The following SLC25A37 variants were observed in gnomAD, a reference collection of about 807,000 sequenced individuals.
SLC25A37 encodes solute carrier family 25 member 37, also known as mitoferrin-1.
In SLC25A37, 17 loss-of-function variants were observed where a neutral mutation model predicts 31.0. The observed-to-expected ratio is 0.55, with a 90% CI of 0.38 to 0.82. SLC25A37 has a LOEUF of 0.82. Ranked by LOEUF, SLC25A37 falls within the 40% of genes least tolerant of loss-of-function variation. SLC25A37 has a pLI of 0.00. For missense variants in SLC25A37, 404 were observed against 465.8 expected, an observed-to-expected ratio of 0.87 and a Z score of 1.22; for synonymous variants, 222 against 193.0, an observed-to-expected ratio of 1.15 and a Z score of -1.24.
intron 1 of SLC25A37, chr8:23,543,212 G>T (rs1367188211): frequency 6.6e-6 from 1 of 152,032 alleles, no homozygotes; most frequent in Non-Finnish European, 1.5e-5. Flanking sequence ...GGGATTACAG[G>T]TGCGCACCAC....
In SLC25A37 at chr8:23,529,164, G is replaced by A. The variant is rs376484650; in HGVS notation, c.162G>A (p.Met54Ile). 20 of 1,611,428 alleles carry A rather than the reference G, an allele frequency of 1.2e-5. No individual in the cohort carries two copies. The African/African-American group carries it at 1.9e-4, about 15-fold the overall frequency. The change falls in exon 1 of 4, where the codon ATG (methionine) becomes ATA (isoleucine). Residue 54 changes from methionine to isoleucine, a missense_variant. By Grantham distance (10) the Met-to-Ile change is conservative. This residue lies in a region of SLC25A37 where 154 missense variants were observed against 153.6 expected (regional missense o/e 1.00). Coordinates refer to ENST00000519973, the MANE Select transcript of SLC25A37 (RefSeq NM_016612.4). The surrounding 1 kb of genome is among the most constrained non-coding windows in gnomAD (Gnocchi z 4.1). ...SVSTHMTAGAMAGILEHSVMY... is the reference protein window; with the variant it reads ...SVSTHMTAGAIAGILEHSVMY... ...CCACCCACATGACAGCAGGAGCGAT[G>A]GCCGGGATCCTGGAGCACTCGGTCA...
chr8:23,566,701 T>C (rs2117455382), intron 2 of SLC25A37: 3 of 1,002,274 alleles, frequency 3.0e-6, no homozygotes, highest in East Asian at 1.1e-4. Context: ...AACAAAACTT[T>C]TGAATGCTGG....
chr8:23,569,242 G>A (rs1159889921), intron 3 of SLC25A37, among the ~76,000 whole-genome samples: 2 of 152,178 alleles, frequency 1.3e-5, no homozygotes, highest in Admixed American at 6.5e-5. Flanking sequence ...CAGCCAGGGC[G>A]ACAGAGCAAG....
chr8:23,550,155 T>C (rs868457344), intron 1 of SLC25A37, among the ~76,000 whole-genome samples: 1 of 106,062 alleles, frequency 9.4e-6, no homozygotes, highest in Middle Eastern at 6.0e-3. Context: ...CACTCCAGCC[T>C]GGGCAACAAG....
intron 1 of SLC25A37, among the ~76,000 whole-genome samples, chr8:23,559,137 C>T (rs1237914185): frequency 6.6e-6 from 1 of 152,180 alleles, no homozygotes; most frequent in Non-Finnish European, 1.5e-5. Context: ...CCTTGGAAAA[C>T]CAAGTGAAAC....
chr8:23,530,214 AG>A (rs1801636695), intron 1 of SLC25A37, among the ~76,000 whole-genome samples: 1 of 152,218 alleles, frequency 6.6e-6, no homozygotes, highest in Non-Finnish European at 1.5e-5. Flanking sequence ...ACTGAGGCGC[AG>A]AGAGGCGAAC....
At chr8:23,543,298 C>T (rs184427623) in intron 1 of SLC25A37, 64 of 152,302 alleles carry the variant, frequency 4.2e-4, no homozygotes, top group African/African-American at 1.5e-3. Flanking sequence ...CTCTTGGCCT[C>T]AAGCAGTCCT....
chr8:23,529,314 C>T lies in SLC25A37; in HGVS notation c.210+102C>T. ...CAGCCTCGGGGCAGCGTCCCGAAAC[C>T]GAGCTCTCCCCAGGACCGCGGCTGG... On this transcript the variant is annotated intron_variant, in intron 1 of 3. Transcript: ENST00000519973. This position sits in a 1 kb window ranked among gnomAD's most constrained non-coding sequence, Gnocchi z 4.1. 2 of 1,202,164 alleles carry T rather than the reference C, an allele frequency of 1.7e-6. No homozygotes were observed. The highest frequency in any genetic ancestry group is 3.0e-5 in the South Asian group (2 of 65,852). 74.5% of individuals were successfully genotyped at this position (1,202,164 alleles called of 1,614,324 possible).
Position 23,571,686 on chromosome 8 carries a change from C to T in SLC25A37, c.848C>T (p.Ala283Val), listed in dbSNP as rs969905974. ...ATCAGCGGCCGGCTGTCGGGTATGG[C>T]CAATGCCTTCCGGACGGTGTACCAG... ...ANISGRLSGM[A>V]NAFRTVYQLN... Residue 283 changes from alanine (A) to valine (V), a missense_variant, in exon 4 of 4, where the codon GCC (alanine) becomes GTC (valine). Transcript: ENST00000519973. 6.2e-7 allele frequency: 1 copy of T among 1,613,942 alleles called. No individual in the cohort carries two copies. Among genetic ancestry groups the T allele is most frequent in the Non-Finnish European group, 8.5e-7 (1 of 1,179,872 alleles).
Position 23,529,204 on chromosome 8 carries a change from T to G in SLC25A37, c.202T>G (p.Ser68Ala), listed in dbSNP as rs370973316. 7.5e-5 allele frequency: 121 copies of G among 1,606,944 alleles called. No individual in the cohort carries two copies. The highest frequency in any genetic ancestry group is 9.7e-5 in the Non-Finnish European group (114 of 1,177,468). ...GCACTCGGTCATGTACCCGGTGGAC[T>G]CGGTGAAGGTGAGGCGCGGGGAGAC... Reference protein sequence around the residue: ...LEHSVMYPVDSVKTRMQSLSP... With the variant: ...LEHSVMYPVDAVKTRMQSLSP... The change falls in exon 1 of 4, where the codon TCG (serine) becomes GCG (alanine). Residue 68 changes from serine (S) to alanine (A), a missense_variant. Transcript: ENST00000519973. The surrounding 1 kb of genome is among the most constrained non-coding windows in gnomAD (Gnocchi z 4.1).
At chr8:23,556,097 T>C (rs1802356762) in intron 1 of SLC25A37, among the ~76,000 whole-genome samples, 1 of 151,346 alleles carries the variant, frequency 6.6e-6, no homozygotes, top group Admixed American at 6.6e-5. Context: ...CTAACTCTGC[T>C]TGAGTCCCCC....
chr8:23,529,201 G>T lies in SLC25A37; in HGVS notation c.199G>T (p.Asp67Tyr). ...ILEHSVMYPV[D>Y]SVKTRMQSLS... The stretch of plus-strand genomic sequence containing the variant: ...GGAGCACTCGGTCATGTACCCGGTG[G>T]ACTCGGTGAAGGTGAGGCGCGGGGA... Residue 67 changes from aspartate to tyrosine, a missense_variant, in exon 1 of 4, where the codon GAC becomes TAC. Coordinates refer to ENST00000519973, the MANE Select transcript of SLC25A37 (RefSeq NM_016612.4). The surrounding 1 kb of genome is among the most constrained non-coding windows in gnomAD (Gnocchi z 4.1). 6.2e-7 allele frequency: 1 copy of T among 1,608,638 alleles called. No individual in the cohort carries two copies. Among genetic ancestry groups the T allele is most frequent in the South Asian group, 1.1e-5 (1 of 90,272 alleles).
chr8:23,564,333 C>CT (rs1319275804), intron 1 of SLC25A37, among the ~76,000 whole-genome samples: 2 of 151,972 alleles, frequency 1.3e-5, no homozygotes, highest in Non-Finnish European at 2.9e-5. Context: ...CCAGAGAGTC[C>CT]TTTGCCCATC....
chr8:23,563,236 G>A lies in SLC25A37; in HGVS notation c.211-2872G>A, dbSNP rs529337325. On this transcript the variant is annotated intron_variant, in intron 1 of 3. Transcript: ENST00000519973. ...GGGTTTTGTTCTGTCACCCAGGCTG[G>A]AGTGCAGTGGCACAAACATAGCTCA... Among the ~76,000 whole-genome samples, 13 of 151,822 alleles carry A rather than the reference G, an allele frequency of 8.6e-5. No homozygotes were observed. The South Asian group carries it at 2.7e-3, about 32-fold the overall frequency.
chr8:23,543,827 C>T (rs1013832216), intron 1 of SLC25A37, among the ~76,000 whole-genome samples: 3 of 143,070 alleles, frequency 2.1e-5, no homozygotes, highest in Middle Eastern at 3.4e-3. Context: ...TGAGCCACTG[C>T]GCCCAGCAAA....
chr8:23,554,159 T>A (rs1585191140), intron 1 of SLC25A37, among the ~76,000 whole-genome samples: 1 of 152,246 alleles, frequency 6.6e-6, no homozygotes, highest in African/African-American at 2.4e-5. Flanking sequence ...TTGGTCTCTG[T>A]GCCTCAGTTT....
At position 23,571,394 on chromosome 8, in the gene SLC25A37, C is replaced by A. The variant is rs781062958; in HGVS notation, c.556C>A (p.Arg186=). 6.2e-7 allele frequency: 1 copy of A among 1,613,108 alleles called. No individual in the cohort carries two copies. Among genetic ancestry groups the A allele is most frequent in the Non-Finnish European group, 8.5e-7 (1 of 1,179,434 alleles). The part of the protein sequence containing the change: ...SQHRSAISCI[R]TVWRTEGLGA... ...GCACCGGTCAGCAATCAGCTGCATC[C>A]GGACGGTGTGGAGGACCGAGGGGTT... is the stretch of plus-strand genomic sequence containing the variant. Residue 186 remains arginine (R), a synonymous_variant, in exon 4 of 4, where the codon CGG becomes AGG. Transcript: ENST00000519973.
At chr8:23,532,499 G>T (rs978339803) in intron 1 of SLC25A37, among the ~76,000 whole-genome samples, 1 of 152,182 alleles carries the variant, frequency 6.6e-6, no homozygotes, top group South Asian at 2.1e-4. Context: ...ATGCCAGGTG[G>T]GTGGAGGAGG....
Position 23,571,330 on chromosome 8 carries a change from C to T in SLC25A37, c.497-5C>T. On this transcript the variant is annotated splice_region_variant and splice_polypyrimidine_tract_variant and intron_variant, in intron 3 of 3. Coordinates refer to ENST00000519973, the MANE Select transcript of SLC25A37 (RefSeq NM_016612.4). The stretch of plus-strand genomic sequence containing the variant: ...GTCTGGCCTGCCCCGCGGTTCCAAC[C>T]ACAGTGGTGAAGCAGCGCTTGCAGA... The T allele has an allele frequency of 1.2e-5, 19 of 1,566,382 alleles. No homozygotes were observed. The highest frequency in any genetic ancestry group is 1.6e-5 in the Non-Finnish European group (19 of 1,155,242).
Sources: allele counts gnomAD v4.1 joint callset (sites outside exome capture counted in the v4.1 genomes callset), GRCh38; gene constraint gnomAD v4.1.1; regional missense constraint gnomAD v4.1.1; non-coding constraint Gnocchi (gnomAD v3.1); transcripts MANE v1.5; gene names NCBI Gene and HGNC (gene_info 2026-07-23, HGNC 2026-07-21).